Variants in ICE1 observed in about 807,000 individuals in gnomAD.
ICE1 encodes the protein little elongation complex subunit 1.
Under a neutral mutation model 192.7 loss-of-function variants are expected in ICE1, and 64 were observed. The observed-to-expected ratio is 0.33, with a 90% CI of 0.27 to 0.41. The LOEUF is 0.41. ICE1 is among the 10% of genes least tolerant of loss of function. ICE1 has a pLI of 1.00. For synonymous variants in ICE1, 1,010 were observed against 984.5 expected, an observed-to-expected ratio of 1.03 and a Z score of -0.49; for missense variants, 2,708 against 2,696.0, an observed-to-expected ratio of 1.00 and a Z score of -0.10.
intron 10 of ICE1, 23 bp from the exon 11 acceptor site, chr5:5,454,529 T>A: frequency 4.4e-6 from 7 of 1,588,082 alleles, no homozygotes; most frequent in Non-Finnish European, 6.0e-6. Context: ...GACGTGACTT[T>A]AATGCTTTGC....
chr5:5,429,424 G>C (rs541976788), intron 1 of ICE1, among the ~76,000 whole-genome samples: 34 of 152,288 alleles, frequency 2.2e-4, no homozygotes, highest in Non-Finnish European at 4.6e-4. Flanking sequence ...CAGGCCTGCT[G>C]GGTTAATTGT....
rs1737874613 is a variant in ICE1 at position 5,436,441 on chromosome 5, A to G, written c.108A>G (p.Ala36=). 1.4e-6 allele frequency: 2 copies of G among 1,479,238 alleles called. No homozygotes were observed. Among genetic ancestry groups the G allele is most frequent in the Non-Finnish European group, 1.8e-6 (2 of 1,113,390 alleles). 91.6% of individuals were successfully genotyped at this position (1,479,238 alleles called of 1,614,324 possible). ...LQQNLNEYVE[A]LITLKQKIIN... ...AGAATTTGAATGAATATGTTGAAGC[A>G]TTAATTACCTTGAAACAAAAAATTA... The change falls in exon 2 of 19, where the codon GCA becomes GCG. Residue 36 remains alanine, a synonymous_variant. Coordinates refer to ENST00000296564, the MANE Select transcript of ICE1 (RefSeq NM_015325.3).
chr5:5,452,226 G>T (rs1738444128), intron 10 of ICE1, among the ~76,000 whole-genome samples: 1 of 141,908 alleles, frequency 7.0e-6, no homozygotes, highest in African/African-American at 2.6e-5. Context: ...AAATGCAGAA[G>T]AGTAGGATCT....
intron 1 of ICE1, among the ~76,000 whole-genome samples, chr5:5,433,377 A>G (rs187340709): frequency 3.3e-4 from 50 of 152,266 alleles, no homozygotes; most frequent in African/African-American, 1.1e-3. Context: ...AAAAGAATCC[A>G]TGTTACTGAT....
chr5:5,477,984 T>C (rs766147649), intron 17 of ICE1, among the ~76,000 whole-genome samples: 2 of 152,056 alleles, frequency 1.3e-5, no homozygotes, highest in Non-Finnish European at 2.9e-5. Context: ...ATAACATAAT[T>C]AGAGCTATTT....
At chr5:5,443,437 G>A (rs972354301) in intron 6 of ICE1, among the ~76,000 whole-genome samples, 193 bp downstream of exon 6, 3 of 152,008 alleles carry the variant, frequency 2.0e-5, no homozygotes, top group African/African-American at 7.2e-5. Flanking sequence ...ACTTTGAAGG[G>A]TCATAAGGAA....
intron 17 of ICE1, among the ~76,000 whole-genome samples, chr5:5,477,362 C>T (rs756316281): frequency 6.6e-6 from 1 of 152,204 alleles, no homozygotes; most frequent in Non-Finnish European, 1.5e-5. Flanking sequence ...GTAAACACCT[C>T]TATGCAAATA....
rs201089669 is a variant in ICE1 at position 5,463,371 on chromosome 5, C to T, written c.4037C>T (p.Pro1346Leu). ...MPQNENPQSRPEARSDAGRQT... is the reference protein window; with the variant it reads ...MPQNENPQSRLEARSDAGRQT... Reference sequence around the variant, plus strand: ...CAGAATGAAAACCCTCAGAGCAGACCAGAGGCCCGTTCAGATGCAGGCAGG... The same window carrying T: ...CAGAATGAAAACCCTCAGAGCAGACTAGAGGCCCGTTCAGATGCAGGCAGG... The change falls in exon 13 of 19, where the codon CCA (proline) becomes CTA (leucine). Residue 1346 changes from proline to leucine, a missense_variant. Around this residue, in one of 2 missense-constraint regions of ICE1, gnomAD observed 2,366 missense variants for 2,276.6 expected, o/e 1.04. Transcript: ENST00000296564. 2 of 1,613,782 alleles carry T rather than the reference C, an allele frequency of 1.2e-6. No individual in the cohort carries two copies. The highest frequency in any genetic ancestry group is 1.7e-6 in the Non-Finnish European group (2 of 1,179,858).
intron 7 of ICE1, among the ~76,000 whole-genome samples, chr5:5,447,126 A>T (rs188148199): frequency 6.6e-6 from 1 of 152,008 alleles, no homozygotes; most frequent in African/African-American, 2.4e-5. Context: ...TGGGACGGCA[A>T]CTCCCTTTTA....
Position 5,462,742 on chromosome 5 carries a change from A to G in ICE1, c.3408A>G (p.Thr1136=). ...ACTCACAGAAAAATTTAGGAGACAC[A>G]GATGCTGCTGTAGCCGAGGTGAGAC... ...PDDSQKNLGD[T]DAAVAEVRPS... is the part of the protein sequence containing the mutation. The change falls in exon 13 of 19, where the codon ACA becomes ACG. Residue 1136 remains threonine (T), a synonymous_variant. Coordinates refer to ENST00000296564, the MANE Select transcript of ICE1 (RefSeq NM_015325.3). 6.2e-7 allele frequency: 1 copy of G among 1,613,824 alleles called. No homozygotes were observed. Among genetic ancestry groups the G allele is most frequent in the Non-Finnish European group, 8.5e-7 (1 of 1,179,776 alleles).
intron 2 of ICE1, among the ~76,000 whole-genome samples, 181 bp from the exon 3 acceptor site, chr5:5,436,899 G>C (rs968659924): frequency 5.3e-5 from 8 of 152,094 alleles, no homozygotes. Context: ...TAAATAAAAG[G>C]CTTGTATATC....
At chr5:5,488,909 A>T (rs1420961316) in intron 18 of ICE1, among the ~76,000 whole-genome samples, 1 of 152,082 alleles carries the variant, frequency 6.6e-6, no homozygotes, top group Non-Finnish European at 1.5e-5. Context: ...AAACACACAA[A>T]CAGTCCTCAG....
At chr5:5,427,682 G>A (rs998408948) in intron 1 of ICE1, among the ~76,000 whole-genome samples, 9 of 152,112 alleles carry the variant, frequency 5.9e-5, no homozygotes, top group African/African-American at 2.2e-4. Flanking sequence ...CAGACCTATT[G>A]ATTTAGAAAT....
chr5:5,461,334 A>C lies in ICE1; in HGVS notation c.2000A>C (p.Glu667Ala). The change falls in exon 13 of 19, where the codon GAA (glutamate) becomes GCA (alanine). Residue 667 changes from glutamate (E) to alanine (A), a missense_variant. Coordinates refer to ENST00000296564, the MANE Select transcript of ICE1 (RefSeq NM_015325.3). ...ATTACTACTAAAGTATTCTCTACTG[A>C]ACCGCATCATTCAGAACATAAATTG... ...TDITTKVFST[E>A]PHHSEHKLQT... 1 of 1,613,922 alleles carries C rather than the reference A, an allele frequency of 6.2e-7. No individual in the cohort carries two copies. The highest frequency in any genetic ancestry group is 8.5e-7 in the Non-Finnish European group (1 of 1,179,838).
chr5:5,465,019 T>C lies in ICE1; in HGVS notation c.5685T>C (p.Ser1895=). 3.7e-6 allele frequency: 6 copies of C among 1,613,968 alleles called. No homozygotes were observed. Among genetic ancestry groups the C allele is most frequent in the Non-Finnish European group, 3.4e-6 (4 of 1,179,880 alleles). The change falls in exon 13 of 19, where the codon AGT becomes AGC. Residue 1895 remains serine, a synonymous_variant. Transcript: ENST00000296564. The part of the protein sequence containing the change: ...EERSCSSPAV[S]AVSQLPLSPK... ...GAAGTTGTTCTAGTCCAGCCGTCAG[T>C]GCAGTTTCACAGTTGCCTTTAAGCC...
rs754999511 is a variant in ICE1, at chr5:5,462,492, C to G, written c.3158C>G (p.Ser1053Cys). The G allele has an allele frequency of 1.3e-5, 21 of 1,614,014 alleles. No individual in the cohort carries two copies. The highest frequency in any genetic ancestry group is 1.2e-4 in the South Asian group (11 of 91,078). ...QNANGLWKLK[S>C]TTPGGALPEC... is the part of the protein sequence containing the mutation. ...GCTAATGGACTTTGGAAATTGAAAT[C>G]TACAACTCCCGGTGGTGCTTTGCCT... Residue 1053 changes from serine to cysteine, a missense_variant, in exon 13 of 19, where the codon TCT (serine) becomes TGT (cysteine). By Grantham distance (112) the Ser-to-Cys change is moderately radical. This residue lies in a region of ICE1 where 2,366 missense variants were observed against 2,276.6 expected (regional missense o/e 1.04). Transcript: ENST00000296564.
rs1337560727 is a variant in ICE1, at chr5:5,461,681, T to C, written c.2347T>C (p.Leu783=). 6.2e-7 allele frequency: 1 copy of C among 1,613,738 alleles called. No homozygotes were observed. Among genetic ancestry groups the C allele is most frequent in the African/African-American group, 1.3e-5 (1 of 74,936 alleles). The change falls in exon 13 of 19, where the codon TTG becomes CTG. Residue 783 remains leucine (L), a synonymous_variant. Coordinates refer to ENST00000296564, the MANE Select transcript of ICE1 (RefSeq NM_015325.3). The part of the protein sequence containing the change: ...GSQAALIKSG[L]GFVKSTSWHH... ...TCAGGCTGCCTTGATCAAGAGTGGT[T>C]TGGGTTTTGTTAAAAGTACTTCATG...
chr5:5,469,010 T>C, intron 15 of ICE1, 22 bp downstream of exon 15: 1 of 1,444,984 alleles, frequency 6.9e-7, no homozygotes, highest in Non-Finnish European at 9.2e-7. Context: ...TTCTGTTTCT[T>C]ACAGTATCTT....
Position 5,463,189 on chromosome 5 carries a change from A to G in ICE1, c.3855A>G (p.Leu1285=), listed in dbSNP as rs750553629. 6.2e-7 allele frequency: 1 copy of G among 1,611,570 alleles called. No homozygotes were observed. Among genetic ancestry groups the G allele is most frequent in the South Asian group, 1.1e-5 (1 of 90,378 alleles). ...EDCNGKDTGS[L]LLLNVNNNMT... ...GCAATGGTAAAGATACTGGCAGTTT[A>G]TTGCTCTTAAATGTAAATAACAACA... The change falls in exon 13 of 19, where the codon TTA becomes TTG. Residue 1285 remains leucine, a synonymous_variant. Coordinates refer to ENST00000296564, the MANE Select transcript of ICE1 (RefSeq NM_015325.3).
Sources: allele counts gnomAD v4.1 joint callset (sites outside exome capture counted in the v4.1 genomes callset), GRCh38; gene constraint gnomAD v4.1.1; regional missense constraint gnomAD v4.1.1; transcripts MANE v1.5; gene names NCBI Gene and HGNC (gene_info 2026-07-23, HGNC 2026-07-21).